Variants in BCL2 observed in about 807,000 individuals in gnomAD.
BCL2 encodes the protein apoptosis regulator Bcl-2.
Under a neutral mutation model 14.2 loss-of-function variants are expected in BCL2, and 1 was observed. The observed-to-expected ratio is 0.07, with a 90% CI of 0.02 to 0.33. The LOEUF is 0.33. Ranked by LOEUF, BCL2 falls within the 10% of genes least tolerant of loss-of-function variation. The pLI is 0.99. For synonymous variants in BCL2, 151 were observed against 137.2 expected, an observed-to-expected ratio of 1.10 and a Z score of -0.70; for missense variants, 247 against 305.9, an observed-to-expected ratio of 0.81 and a Z score of 1.44.
chr18:63,286,613 G>A (rs1912482021), intron 2 of BCL2, among the ~76,000 whole-genome samples: 2 of 152,118 alleles, frequency 1.3e-5, no homozygotes, highest in Admixed American at 1.3e-4. Flanking sequence ...AAACTCTGTA[G>A]CTTGGTATAC....
At chr18:63,216,400 T>TAAA (rs35457535) in intron 2 of BCL2, among the ~76,000 whole-genome samples, 1 of 134,906 alleles carries the variant, frequency 7.4e-6, no homozygotes, top group Non-Finnish European at 1.6e-5. Context: ...AAATGTTTTC[T>TAAA]AAAAAAAAAA....
intron 2 of BCL2, among the ~76,000 whole-genome samples, chr18:63,212,532 C>G (rs1910060081): frequency 6.6e-6 from 1 of 151,586 alleles, no homozygotes; most frequent in Non-Finnish European, 1.5e-5. Context: ...CCACAAGCCA[C>G]AGTGGGAACT....
At chr18:63,319,097 A>G in intron 1 of BCL2, 77 bp downstream of exon 1, 1 of 1,041,136 alleles carries the variant, frequency 9.6e-7, no homozygotes, top group East Asian at 5.0e-5. Flanking sequence ...AATTTACTCG[A>G]ATGCACTTTA....
intron 2 of BCL2, among the ~76,000 whole-genome samples, chr18:63,158,100 A>G (rs1914829164): frequency 6.6e-6 from 1 of 152,020 alleles, no homozygotes; most frequent in Non-Finnish European, 1.5e-5. Context: ...GATTCATTTG[A>G]TTGAGGAGGG....
intron 2 of BCL2, among the ~76,000 whole-genome samples, chr18:63,198,440 TGACA>T (rs1909523967): frequency 3.2e-5 from 1 of 31,296 alleles, no homozygotes; most frequent in Non-Finnish European, 6.9e-5. Context: ...AGACACACAC[TGACA>T]CACAGACACA....
chr18:63,148,729 C>T (rs1169518829), intron 2 of BCL2, among the ~76,000 whole-genome samples: 2 of 151,674 alleles, frequency 1.3e-5, no homozygotes, highest in Non-Finnish European at 2.9e-5. Flanking sequence ...TTCTCATTCT[C>T]CTTATTATAG....
chr18:63,214,134 C>A (rs143666317), intron 2 of BCL2, among the ~76,000 whole-genome samples: 98 of 151,976 alleles, frequency 6.4e-4, no homozygotes, highest in African/African-American at 2.3e-3. Flanking sequence ...CTAAGAAATA[C>A]GGGAGAAATG....
chr18:63,256,193 T>C (rs184108441), intron 2 of BCL2, among the ~76,000 whole-genome samples: 1 of 152,198 alleles, frequency 6.6e-6, no homozygotes, highest in Non-Finnish European at 1.5e-5. Context: ...TGGTAAAATA[T>C]ATATGGGAAG....
chr18:63,319,135 A>G (rs1913613576), intron 1 of BCL2, 39 bp downstream of exon 1: 1 of 902,442 alleles, frequency 1.1e-6, no homozygotes, highest in Admixed American at 5.2e-5. Flanking sequence ...GTTTCCATTG[A>G]AAGTTACATT....
chr18:63,239,669 G>C (rs1418347079), intron 2 of BCL2, among the ~76,000 whole-genome samples: 1 of 152,076 alleles, frequency 6.6e-6, no homozygotes, highest in African/African-American at 2.4e-5. Flanking sequence ...GAACCCGAGA[G>C]GTGGAGGTTG....
intron 2 of BCL2, among the ~76,000 whole-genome samples, chr18:63,265,326 C>T (rs1467932004): frequency 6.6e-6 from 1 of 152,220 alleles, no homozygotes; most frequent in South Asian, 2.1e-4. Context: ...TAATTTAATA[C>T]AGGACGATTT....
chr18:63,249,813 G>A (rs891797096), intron 2 of BCL2, among the ~76,000 whole-genome samples: 3 of 150,364 alleles, frequency 2.0e-5, no homozygotes, highest in Non-Finnish European at 2.9e-5. Context: ...AACATGACAC[G>A]TTTGACTCAC....
intron 2 of BCL2, among the ~76,000 whole-genome samples, chr18:63,141,629 G>A (rs1731828418): frequency 6.6e-6 from 1 of 152,202 alleles, no homozygotes; most frequent in South Asian, 2.1e-4. Flanking sequence ...TACCGAACAG[G>A]ACTCTCCACT....
At chr18:63,185,092 T>C (rs140913118) in intron 2 of BCL2, among the ~76,000 whole-genome samples, 1 of 152,340 alleles carries the variant, frequency 6.6e-6, no homozygotes, top group Non-Finnish European at 1.5e-5. Flanking sequence ...GAGGGAGTTA[T>C]GAGAGATGCT....
intron 2 of BCL2, chr18:63,302,165 T>TA (rs1369100547): frequency 5.9e-5 from 12 of 204,214 alleles, no homozygotes; most frequent in East Asian, 1.9e-4. Context: ...CAGTCTCTAC[T>TA]AAAAAAAATA....
chr18:63,137,052 C>T (rs1052416796), intron 2 of BCL2, among the ~76,000 whole-genome samples: 3 of 152,198 alleles, frequency 2.0e-5, no homozygotes, highest in African/African-American at 4.8e-5. Context: ...TGTGCTTTGC[C>T]TGTAAATCTC....
In BCL2 at chr18:63,319,699, A is replaced by G; in HGVS notation, c.-812T>C. On this transcript the variant is annotated 5_prime_UTR_variant, in exon 1 of 3. Transcript: ENST00000333681. ...TTTCCGAAAAGCTGCTGGATAAATGAAGGCAGGACGCGCCTGGCCCGCCGG... is the reference window on the plus strand; with the variant it reads ...TTTCCGAAAAGCTGCTGGATAAATGGAGGCAGGACGCGCCTGGCCCGCCGG... 4.6e-6 allele frequency: 1 copy of G among 215,224 alleles called. No individual in the cohort carries two copies. The highest frequency in any genetic ancestry group is 2.2e-5 in the African/African-American group (1 of 44,446). The allele number at this position is 215,224 out of a possible 1,614,324, so 13.3% of individuals were successfully genotyped here. A position where few individuals can be genotyped will look rare whatever the true frequency, so the allele number is the denominator to read the frequency against.
chr18:63,227,304 G>C (rs767695861), intron 2 of BCL2, among the ~76,000 whole-genome samples: 1 of 152,202 alleles, frequency 6.6e-6, no homozygotes, highest in Non-Finnish European at 1.5e-5. Flanking sequence ...TAATGAAATA[G>C]CTATTCAAGG....
At chr18:63,204,282 C>G (rs1328595363) in intron 2 of BCL2, among the ~76,000 whole-genome samples, 1 of 152,200 alleles carries the variant, frequency 6.6e-6, no homozygotes, top group Non-Finnish European at 1.5e-5. Context: ...AATTTCTCAT[C>G]CTGAAATTGC....
Sources: allele counts gnomAD v4.1 joint callset (sites outside exome capture counted in the v4.1 genomes callset), GRCh38; gene constraint gnomAD v4.1.1; transcripts MANE v1.5; gene names NCBI Gene and HGNC (gene_info 2026-07-23, HGNC 2026-07-21).